Variants in PRLR observed in about 807,000 individuals in gnomAD.
PRLR encodes the protein hPRL receptor.
Under a neutral mutation model 40.2 loss-of-function variants are expected in PRLR, and 13 were observed. The ratio of observed to expected loss-of-function variants is 0.32; its 90% CI spans 0.21 to 0.51. The LOEUF (loss-of-function observed/expected upper bound fraction) is 0.51. Ranked by LOEUF, PRLR falls within the 20% of genes least tolerant of loss-of-function variation. PRLR has a pLI of 0.97. For synonymous variants in PRLR, 269 were observed against 278.7 expected (o/e 0.97, Z 0.35); for missense variants, 656 against 747.3 (o/e 0.88, Z 1.42).
chr5:35,059,450 A>G lies in PRLR; in HGVS notation c.*5639T>C, dbSNP rs538220655. 3 of 152,248 alleles carry G rather than the reference A, an allele frequency of 2.0e-5. No individual in the cohort carries two copies. Among genetic ancestry groups the G allele is most frequent in the African/African-American group, 7.2e-5 (3 of 41,558 alleles). The allele number at this position is 152,248 out of a possible 1,614,324, so 9.4% of individuals were successfully genotyped here. A position where few individuals can be genotyped will look rare whatever the true frequency, so the allele number is the denominator to read the frequency against. On this transcript the variant is annotated 3_prime_UTR_variant, in exon 10 of 10. Coordinates refer to ENST00000618457, the MANE Select transcript of PRLR (RefSeq NM_000949.7). Reference sequence around the variant, plus strand: ...TGTGAATTATGTACCTCTCTTAGACATAAACTCTTAGACATAAACTCATAA... The same window carrying G: ...TGTGAATTATGTACCTCTCTTAGACGTAAACTCTTAGACATAAACTCATAA...
At chr5:35,202,346 T>G (rs1425101342) in intron 1 of PRLR, among the ~76,000 whole-genome samples, 1 of 152,204 alleles carries the variant, frequency 6.6e-6, no homozygotes, top group Non-Finnish European at 1.5e-5. Flanking sequence ...TATTCAAGGC[T>G]TTTTACAATT....
At chr5:35,156,212 C>G (rs1774500328) in intron 1 of PRLR, among the ~76,000 whole-genome samples, 1 of 151,262 alleles carries the variant, frequency 6.6e-6, no homozygotes, top group African/African-American at 2.4e-5. Flanking sequence ...CAATCCAATC[C>G]AATGATGAAT....
intron 1 of PRLR, among the ~76,000 whole-genome samples, chr5:35,223,043 AAG>A (rs1776462660): frequency 6.6e-6 from 1 of 152,238 alleles, no homozygotes; most frequent in Non-Finnish European, 1.5e-5. Flanking sequence ...CACAGAGGAC[AAG>A]AGTAGGCAGC....
chr5:35,097,099 C>T (rs541093344), intron 2 of PRLR, among the ~76,000 whole-genome samples: 5 of 152,282 alleles, frequency 3.3e-5, no homozygotes, highest in African/African-American at 7.2e-5. Context: ...TTCTCTGAGT[C>T]CTCTAAGGCA....
intron 1 of PRLR, among the ~76,000 whole-genome samples, chr5:35,145,699 C>T (rs755177661): frequency 6.6e-6 from 1 of 152,156 alleles, no homozygotes; most frequent in South Asian, 2.1e-4. Flanking sequence ...TAAAACTTTG[C>T]CATGTGCCTA....
chr5:35,122,754 T>G (rs1197299340), intron 1 of PRLR, among the ~76,000 whole-genome samples: 1 of 152,208 alleles, frequency 6.6e-6, no homozygotes, highest in African/African-American at 2.4e-5. Context: ...AATAAAGCAC[T>G]TGGGAATCAC....
chr5:35,048,841 G>A lies in PRLR; in HGVS notation c.*446C>T, dbSNP rs147375369. 3.2e-3 allele frequency: 855 copies of A among 264,900 alleles called. 2 individuals are homozygous for A. Among genetic ancestry groups the A allele is most frequent in the Non-Finnish European group, 4.5e-3 (587 of 130,688 alleles). 16.4% of individuals were successfully genotyped at this position (264,900 alleles called of 1,614,324 possible). Reference sequence around the variant, plus strand: ...CCACTGCTTCAGAATGGGGGACCACGTGCTTTACATGGCAGTGCCTAAGGG... The same window carrying A: ...CCACTGCTTCAGAATGGGGGACCACATGCTTTACATGGCAGTGCCTAAGGG... On this transcript the variant is annotated 3_prime_UTR_variant, in exon 9 of 9. Coordinates refer to the PRLR transcript ENST00000231423.
chr5:35,084,628 A>T lies in PRLR; in HGVS notation c.215T>A (p.Met72Lys). The T allele has an allele frequency of 6.2e-7, 1 of 1,610,040 alleles. No homozygotes were observed. The highest frequency in any genetic ancestry group is 8.5e-7 in the Non-Finnish European group (1 of 1,178,534). The change falls in exon 5 of 10, where the codon ATG becomes AAG. Residue 72 changes from methionine (M) to lysine (K), a missense_variant. Around this residue, in one of 3 missense-constraint regions of PRLR, gnomAD observed 180 missense variants for 236.8 expected, o/e 0.76. Transcript: ENST00000618457. ...GGTTATGTAGTCTGGACATTCATGC[A>T]TGAGTGTCTCTCTGCAATAAGTAAT... ...LTYHREGETL[M>K]HECPDYITGG...
At chr5:35,162,640 A>G (rs574352241) in intron 1 of PRLR, among the ~76,000 whole-genome samples, 2 of 152,318 alleles carry the variant, frequency 1.3e-5, no homozygotes, top group Admixed American at 1.3e-4. Context: ...GCTGAGCGGG[A>G]TCTCAGAGAT....
intron 9 of PRLR, among the ~76,000 whole-genome samples, chr5:35,066,652 C>T (rs1009209950): frequency 6.6e-6 from 1 of 151,852 alleles, no homozygotes; most frequent in Admixed American, 6.6e-5. Flanking sequence ...CTTCTCTTCT[C>T]CCCCTTCATC....
At chr5:35,172,314 G>A (rs1464913063) in intron 1 of PRLR, among the ~76,000 whole-genome samples, 1 of 152,056 alleles carries the variant, frequency 6.6e-6, no homozygotes, top group African/African-American at 2.4e-5. Context: ...CTGCATCTAG[G>A]GGCTCTCTTG....
chr5:35,116,490 C>T (rs142014180), intron 2 of PRLR, among the ~76,000 whole-genome samples: 240 of 152,218 alleles, frequency 1.6e-3, no homozygotes, highest in African/African-American at 5.5e-3. Context: ...TACAAAGTAG[C>T]GGCCAAATTT....
rs1769340565 is a variant in PRLR, at chr5:35,065,920, G to A, written c.1038C>T (p.Asp346=). Residue 346 remains aspartate, a synonymous_variant, in exon 10 of 10, where the codon GAC becomes GAT. Coordinates refer to ENST00000618457, the MANE Select transcript of PRLR (RefSeq NM_000949.7). Reference sequence around the variant, plus strand: ...CACAGCTCCCCCGGCCTGAGTCAGTGTCAGGATCCAGGTATGTGGGTTTCA... The same window carrying A: ...CACAGCTCCCCCGGCCTGAGTCAGTATCAGGATCCAGGTATGTGGGTTTCA... ...QGMKPTYLDP[D]TDSGRGSCDS... 1 of 1,614,038 alleles carries A rather than the reference G, an allele frequency of 6.2e-7. No individual in the cohort carries two copies. Among genetic ancestry groups the A allele is most frequent in the African/African-American group, 1.3e-5 (1 of 74,916 alleles).
chr5:35,174,292 G>C (rs1561348166), intron 1 of PRLR, among the ~76,000 whole-genome samples: 1 of 152,132 alleles, frequency 6.6e-6, no homozygotes, highest in Non-Finnish European at 1.5e-5. Context: ...GTTTCACCAT[G>C]TTGCCCAGGC....
chr5:35,113,388 T>G (rs1472762938), intron 2 of PRLR, among the ~76,000 whole-genome samples: 3 of 139,650 alleles, frequency 2.1e-5, no homozygotes, highest in Non-Finnish European at 4.6e-5. Context: ...TATCCATCCA[T>G]CCATCCATCC....
chr5:35,183,221 T>C (rs1775338610), intron 1 of PRLR, among the ~76,000 whole-genome samples: 1 of 152,186 alleles, frequency 6.6e-6, no homozygotes, highest in African/African-American at 2.4e-5. Flanking sequence ...CTGCTCCTAG[T>C]TTTGTCATTT....
At chr5:35,167,177 CT>C (rs1187907885) in intron 1 of PRLR, among the ~76,000 whole-genome samples, 14 of 150,878 alleles carry the variant, frequency 9.3e-5, no homozygotes, top group African/African-American at 3.4e-4. Context: ...ATCTATCTAT[CT>C]ATCTATCTAT....
intron 5 of PRLR, among the ~76,000 whole-genome samples, chr5:35,075,141 T>A (rs1341181211): frequency 6.6e-6 from 1 of 151,938 alleles, no homozygotes; most frequent in Non-Finnish European, 1.5e-5. Context: ...AGAAGACGGG[T>A]GATTTCTGCA....
intron 1 of PRLR, chr5:35,195,018 C>T (rs1775699015): frequency 6.6e-6 from 1 of 152,176 alleles, no homozygotes; most frequent in African/African-American, 2.4e-5. Context: ...TATGTGGGAA[C>T]TGTCTGTACT....
Sources: allele counts gnomAD v4.1 joint callset (sites outside exome capture counted in the v4.1 genomes callset), GRCh38; gene constraint gnomAD v4.1.1; regional missense constraint gnomAD v4.1.1; transcripts MANE v1.5; gene names NCBI Gene and HGNC (gene_info 2026-07-23, HGNC 2026-07-21).